KCTD5: variants seen among roughly 807,000 people sequenced by gnomAD.
The protein encoded by KCTD5 is potassium channel tetramerization domain containing 5, also known as BTB/POZ domain-containing protein KCTD5.
Under a neutral mutation model 27.9 loss-of-function variants are expected in KCTD5, and 12 were observed. The ratio of observed to expected loss-of-function variants is 0.43; its 90% confidence interval spans 0.28 to 0.70. The LOEUF is 0.70. Ranked by LOEUF, KCTD5 falls within the 30% of genes least tolerant of loss-of-function variation. The pLI is 0.19. For missense variants in KCTD5, 226 were observed against 274.8 expected (o/e 0.82, Z 1.26); for synonymous variants, 147 against 121.4 (o/e 1.21, Z -1.39).
chr16:2,697,914 G>C lies in KCTD5; in HGVS notation c.370G>C (p.Glu124Gln). ...NKDLAEEGVLEEAEFYNITSL... is the reference protein window; with the variant it reads ...NKDLAEEGVLQEAEFYNITSL... ...ATTTTTCCTTATTCCAGGAGTGTTG[G>C]AGGAAGCAGAATTTTACAATATCAC... The change falls in exon 3 of 6, where the codon GAG becomes CAG. Residue 124 changes from glutamate to glutamine, a missense_variant. Coordinates refer to ENST00000301738, the MANE Select transcript of KCTD5 (RefSeq NM_018992.4). 6.2e-7 allele frequency: 1 copy of C among 1,604,850 alleles called. No homozygotes were observed. Among genetic ancestry groups the C allele is most frequent in the Non-Finnish European group, 8.5e-7 (1 of 1,171,828 alleles).
At chr16:2,707,249 G>A (rs2067640882) in intron 5 of KCTD5, 49 bp from the exon 6 acceptor site, 2 of 1,595,538 alleles carry the variant, frequency 1.3e-6, no homozygotes, top group Admixed American at 3.4e-5. Context: ...CCTGGTCAGG[G>A]ACACCTCCTC....
At chr16:2,699,725 A>T in intron 3 of KCTD5, 96 bp from the exon 4 acceptor site, 1 of 1,072,148 alleles carries the variant, frequency 9.3e-7, no homozygotes, top group Non-Finnish European at 1.4e-6. Context: ...AGAACTGCAG[A>T]GTGGACCTCA....
chr16:2,700,514 C>T (rs753634572), intron 4 of KCTD5, among the ~76,000 whole-genome samples: 12 of 152,186 alleles, frequency 7.9e-5, no homozygotes, highest in African/African-American at 1.2e-4. Context: ...CATCGGGGAC[C>T]TCAGGACACG....
chr16:2,707,386 G>T lies in KCTD5; in HGVS notation c.*59G>T. 1.3e-6 allele frequency: 2 copies of T among 1,529,070 alleles called. No individual in the cohort carries two copies. The highest frequency in any genetic ancestry group is 1.8e-6 in the Non-Finnish European group (2 of 1,102,420). 94.7% of individuals were successfully genotyped at this position (1,529,070 alleles called of 1,614,324 possible). On this transcript the variant is annotated 3_prime_UTR_variant, in exon 6 of 6. Transcript: ENST00000301738. ...ACGTTTTCCCGAGATGTAATGAACT[G>T]CCATGTCCAGGAAGCTTGGCTGTGA...
intron 3 of KCTD5, among the ~76,000 whole-genome samples, chr16:2,698,593 G>GC (rs973174400): frequency 2.1e-3 from 242 of 117,086 alleles, no homozygotes; most frequent in Non-Finnish European, 3.4e-3. Context: ...AGCTGAGCCC[G>GC]CCCCCCCCAC....
chr16:2,701,098 C>G (rs1436354129), intron 4 of KCTD5, among the ~76,000 whole-genome samples: 1 of 152,238 alleles, frequency 6.6e-6, no homozygotes, highest in Non-Finnish European at 1.5e-5. Flanking sequence ...GGCACCTGTG[C>G]TCTTCTGCCA....
At position 2,682,817 on chromosome 16, in the gene KCTD5, C is replaced by T. The variant is rs1376603482; in HGVS notation, c.252+17C>T. ...TCAGACAAGGTGAGGGCCTCACGGG[C>T]CAGCCCGGAGGGTCCTGGCCTTCCC... On this transcript the variant is annotated intron_variant, in intron 1 of 5. Transcript: ENST00000301738. 1 of 1,577,278 alleles carries T rather than the reference C, an allele frequency of 6.3e-7. No individual in the cohort carries two copies. Among genetic ancestry groups the T allele is most frequent in the African/African-American group, 1.4e-5 (1 of 71,712 alleles).
At chr16:2,682,829 G>A (rs369879413) in intron 1 of KCTD5, 29 bp downstream of exon 1, 33 of 1,546,262 alleles carry the variant, frequency 2.1e-5, no homozygotes, top group Non-Finnish European at 2.6e-5. Flanking sequence ...AGCCCGGAGG[G>A]TCCTGGCCTT....
At chr16:2,703,744 G>T (rs2067622572) in intron 5 of KCTD5, among the ~76,000 whole-genome samples, 1 of 152,200 alleles carries the variant, frequency 6.6e-6, no homozygotes, top group Non-Finnish European at 1.5e-5. Context: ...GGCCAGTCCT[G>T]CTCCACTGCC....
chr16:2,706,618 G>T (rs1002975350), intron 5 of KCTD5, among the ~76,000 whole-genome samples: 3 of 152,098 alleles, frequency 2.0e-5, no homozygotes, highest in African/African-American at 7.2e-5. Flanking sequence ...CACTGGTGAG[G>T]GAAGTGGGGA....
At chr16:2,702,249 C>A in intron 4 of KCTD5, 104 bp from the exon 5 acceptor site, 1 of 1,430,736 alleles carries the variant, frequency 7.0e-7, no homozygotes, top group Non-Finnish European at 9.7e-7. Flanking sequence ...GCAGTCTTTG[C>A]TGTGGCTTTC....
At chr16:2,688,337 G>C (rs1045884207) in intron 1 of KCTD5, among the ~76,000 whole-genome samples, 36 of 151,272 alleles carry the variant, frequency 2.4e-4, no homozygotes, top group African/African-American at 8.5e-4. Flanking sequence ...TGCAACCTCT[G>C]CCTCCTGGGT....
At chr16:2,696,969 G>A (rs2067589021) in intron 2 of KCTD5, among the ~76,000 whole-genome samples, 1 of 152,240 alleles carries the variant, frequency 6.6e-6, no homozygotes, top group Non-Finnish European at 1.5e-5. Context: ...TGCCCCTAGT[G>A]GGATTGGCTC....
intron 1 of KCTD5, 111 bp downstream of exon 1, chr16:2,682,911 C>A: frequency 1.5e-6 from 2 of 1,320,220 alleles, no homozygotes; most frequent in Non-Finnish European, 2.0e-6. Context: ...CGACTCTCCT[C>A]GGGCTTCGAG....
chr16:2,704,402 G>A (rs2067625745), intron 5 of KCTD5, among the ~76,000 whole-genome samples: 1 of 152,248 alleles, frequency 6.6e-6, no homozygotes, highest in South Asian at 2.1e-4. Context: ...TTCAGTCAGC[G>A]GCGGCGGGAG....
chr16:2,688,670 G>C (rs1179620641), intron 1 of KCTD5, among the ~76,000 whole-genome samples: 1 of 119,108 alleles, frequency 8.4e-6, no homozygotes, highest in Non-Finnish European at 1.7e-5. Context: ...GTCCCTGAAG[G>C]CAGCATGTAT....
chr16:2,700,853 C>T (rs1399589966), intron 4 of KCTD5, among the ~76,000 whole-genome samples: 2 of 151,878 alleles, frequency 1.3e-5, no homozygotes, highest in Non-Finnish European at 2.9e-5. Context: ...CCACCGTCCA[C>T]CCTGGACCCC....
At chr16:2,699,689 T>C (rs2067602782) in intron 3 of KCTD5, 132 bp from the exon 4 acceptor site, 1 of 713,218 alleles carries the variant, frequency 1.4e-6, no homozygotes, top group Non-Finnish European at 2.5e-6. Flanking sequence ...TGCTCAGGAT[T>C]GCTTTGGGCC....
intron 1 of KCTD5, chr16:2,683,039 C>T (rs2067525483): frequency 2.1e-6 from 1 of 481,366 alleles, no homozygotes; most frequent in African/African-American, 2.0e-5. Context: ...AGTCGATTCA[C>T]CTTGGGGGTG....
Sources: gnomAD v4.1 joint callset for allele counts (sites outside exome capture counted in the v4.1 genomes callset) on GRCh38, gnomAD v4.1.1 for gene constraint, MANE v1.5 for transcripts, NCBI Gene and HGNC (gene_info 2026-07-23, HGNC 2026-07-21) for gene names.